The following DUOX2 variants were observed in gnomAD, a reference collection of about 807,000 sequenced individuals.
DUOX2 encodes dual oxidase 2, also known as NADH/NADPH thyroid oxidase p138-tox.
DUOX2 carries 185 observed loss-of-function variants against 183.3 expected under a neutral mutation model. That is an observed-to-expected ratio of 1.01 (90% CI 0.90 to 1.14). The LOEUF is 1.14. Ranked by LOEUF, DUOX2 falls within the 50% of genes most tolerant of loss-of-function variation. The probability of loss-of-function intolerance (pLI) is 0.00; values close to 1 mark genes in which losing one functional copy is unlikely to be tolerated. For missense variants in DUOX2, 1,999 were observed against 2,022.9 expected (o/e 0.99, Z 0.23); for synonymous variants, 788 against 812.4 (o/e 0.97, Z 0.51).
In DUOX2 at chr15:45,108,922, C is replaced by G. The variant is rs201135069; in HGVS notation, c.1265G>C (p.Arg422Pro). ...DYWPGPGKFS[R>P]TDYVASSIQR... ...GATGCTGCTGGCCACATAGTCTGTA[C>G]GGGAGAATTTGCCAGGGCCAGGCCA... Residue 422 changes from arginine (R) to proline (P), a missense_variant, in exon 12 of 34, where the codon CGT becomes CCT. By Grantham distance (103) the Arg-to-Pro change is moderately radical. Transcript: ENST00000389039. The G allele has an allele frequency of 1.2e-6, 2 of 1,614,198 alleles. No individual in the cohort carries two copies. The highest frequency in any genetic ancestry group is 1.7e-5 in the Admixed American group (1 of 60,030).
At chr15:45,107,101 C>T (rs1469046918) in intron 14 of DUOX2, 132 bp from the exon 15 acceptor site, 1 of 1,371,542 alleles carries the variant, frequency 7.3e-7, no homozygotes, top group East Asian at 2.5e-5. Context: ...AAACTGTCTC[C>T]CTCAAAAAGT....
chr15:45,113,447 G>A, intron 1 of DUOX2, 22 bp from the exon 2 acceptor site: 1 of 1,547,394 alleles, frequency 6.5e-7, no homozygotes, highest in Non-Finnish European at 8.7e-7. Flanking sequence ...GGGTGGGGGT[G>A]GTAGGTGGTA....
In DUOX2 at chr15:45,112,808, C is replaced by A. The variant is rs989636622; in HGVS notation, c.161-90G>T. 1.9e-6 allele frequency: 3 copies of A among 1,587,958 alleles called. No homozygotes were observed. In the African/African-American group the frequency reaches 4.0e-5, roughly 21 times the overall value. ...CCTAAGCCTCCCTCAACCCCCATCC[C>A]ACTTCACTGACAGAACCTTCCCTCA... On this transcript the variant is annotated intron_variant, in intron 3 of 33. Transcript: ENST00000389039.
At chr15:45,110,796 G>A (rs1428092088) in intron 7 of DUOX2, 86 bp from the exon 8 acceptor site, 5 of 1,599,008 alleles carry the variant, frequency 3.1e-6, no homozygotes, top group Non-Finnish European at 3.4e-6. Context: ...GCTTCCGTGT[G>A]GAGATGAGAC....
rs775297032 is a variant in DUOX2, at chr15:45,111,820, C to T, written c.461G>A (p.Arg154Lys). 4.2e-5 allele frequency: 67 copies of T among 1,612,930 alleles called. No individual in the cohort carries two copies. Among genetic ancestry groups the T allele is most frequent in the Non-Finnish European group, 1.7e-6 (2 of 1,179,822 alleles). ...QRGDVVLPFQRSRWDPETGRS... is the reference protein window; with the variant it reads ...QRGDVVLPFQKSRWDPETGRS... ...TCCGGTCTCGGGGTCCCAGCGGCTCCTCTGGAAGGGCAGCACCACGTCCCC... is the reference window on the plus strand; with the variant it reads ...TCCGGTCTCGGGGTCCCAGCGGCTCTTCTGGAAGGGCAGCACCACGTCCCC... The change falls in exon 5 of 34, where the codon AGG becomes AAG. Residue 154 changes from arginine (R) to lysine (K), a missense_variant. Transcript: ENST00000389039.
chr15:45,112,925 C>T, intron 3 of DUOX2, 62 bp downstream of exon 3: 4 of 1,588,898 alleles, frequency 2.5e-6, no homozygotes, highest in Non-Finnish European at 3.4e-6. Context: ...CCGCTCAGGG[C>T]CTTTCGCGCC....
Position 45,110,639 on chromosome 15 carries a change from C to A in DUOX2, c.943+11G>T. ...TCTCCGCACAGGTGTCCTCCTTCCCCGCTCCCTCACCTGTATACTCCGGGA... is the reference window on the plus strand; with the variant it reads ...TCTCCGCACAGGTGTCCTCCTTCCCAGCTCCCTCACCTGTATACTCCGGGA... On this transcript the variant is annotated intron_variant, in intron 8 of 33. Coordinates refer to ENST00000389039, the MANE Select transcript of DUOX2 (RefSeq NM_001363711.2). The A allele has an allele frequency of 6.2e-7, 1 of 1,613,290 alleles. No individual in the cohort carries two copies. The highest frequency in any genetic ancestry group is 2.2e-5 in the East Asian group (1 of 44,864).
intron 26 of DUOX2, 52 bp downstream of exon 26, chr15:45,099,331 T>C: frequency 1.3e-6 from 2 of 1,546,114 alleles, no homozygotes; most frequent in Non-Finnish European, 1.8e-6. Context: ...TTTTCTATTA[T>C]ACCCTTGGGC....
At position 45,105,648 on chromosome 15, in the gene DUOX2, C is replaced by T. The variant is rs1004525031; in HGVS notation, c.2329G>A (p.Ala777Thr). ...ILEIFFRHLF[A>T]QVLDINQADA... Reference sequence around the variant, plus strand: ...AAAGGCACAGGTCATGGCACCTGAGCAAAAAGGTGTCTGAAGAAGATCTCC... The same window carrying T: ...AAAGGCACAGGTCATGGCACCTGAGTAAAAAGGTGTCTGAAGAAGATCTCC... The change falls in exon 18 of 34, where the codon GCT becomes ACT. Residue 777 changes from alanine (A) to threonine (T), a missense_variant. Ala to Thr is a moderately conservative substitution (Grantham distance 58). Around this residue, in one of 3 missense-constraint regions of DUOX2, gnomAD observed 1,628 missense variants for 1,608.6 expected, o/e 1.01. Transcript: ENST00000389039. The T allele has an allele frequency of 4.3e-6, 7 of 1,613,998 alleles. No homozygotes were observed. Among genetic ancestry groups the T allele is most frequent in the Admixed American group, 1.7e-5 (1 of 60,000 alleles).
At chr15:45,100,291 C>T (rs960430237) in intron 23 of DUOX2, 63 bp from the exon 24 acceptor site, 1 of 1,519,504 alleles carries the variant, frequency 6.6e-7, no homozygotes, top group African/African-American at 1.4e-5. Flanking sequence ...CTTAATGCCA[C>T]TCCATGAAAG....
chr15:45,102,027 G>A (rs1298390685), intron 20 of DUOX2, 38 bp from the exon 21 acceptor site: 2 of 1,610,646 alleles, frequency 1.2e-6, no homozygotes, highest in South Asian at 1.1e-5. Context: ...CTGTCACCCA[G>A]CAAGGTCAGG....
intron 3 of DUOX2, 90 bp downstream of exon 3, chr15:45,112,897 G>C: frequency 1.3e-6 from 2 of 1,553,150 alleles, no homozygotes; most frequent in Non-Finnish European, 1.8e-6. Flanking sequence ...TGCTGGGCGC[G>C]TGTTCCCCGC....
At chr15:45,096,368 A>G (rs990115930) in intron 29 of DUOX2, among the ~76,000 whole-genome samples, 1 of 152,140 alleles carries the variant, frequency 6.6e-6, no homozygotes, top group African/African-American at 2.4e-5. Flanking sequence ...ACTCAGGCTC[A>G]CCAGGGACCA....
In DUOX2 at chr15:45,111,773, C is replaced by T; in HGVS notation, c.508G>A (p.Asp170Asn). The T allele has an allele frequency of 7.5e-6, 12 of 1,601,688 alleles. No homozygotes were observed. Among genetic ancestry groups the T allele is most frequent in the Non-Finnish European group, 9.4e-6 (11 of 1,174,698 alleles). The change falls in exon 5 of 34, where the codon GAC (aspartate) becomes AAC (asparagine). Residue 170 changes from aspartate to asparagine, a missense_variant. Asp to Asn is a conservative substitution (Grantham distance 23). This residue lies in a region of DUOX2 where 356 missense variants were observed against 356.4 expected (regional missense o/e 1.00). Transcript: ENST00000389039. ...ETGRSPSNPR[D>N]LANQVTGWLD... ...CGCCGCCTTCCCCGCCTCACCAGGTCCCGGGGGTTGCTGGGACTCCGTCCG... is the reference window on the plus strand; with the variant it reads ...CGCCGCCTTCCCCGCCTCACCAGGTTCCGGGGGTTGCTGGGACTCCGTCCG...
chr15:45,109,305 C>A, intron 11 of DUOX2: 1 of 602,882 alleles, frequency 1.7e-6, no homozygotes, highest in South Asian at 2.0e-5. Flanking sequence ...CCCCAATACT[C>A]AGACATAGTT....
At position 45,108,096 on chromosome 15, in the gene DUOX2, C is replaced by A. The variant is rs1300952424; in HGVS notation, c.1525G>T (p.Val509Leu). Residue 509 changes from valine (V) to leucine (L), a missense_variant, in exon 13 of 34, where the codon GTA becomes TTA. By Grantham distance (32) the Val-to-Leu change is conservative. Around this residue, in one of 3 missense-constraint regions of DUOX2, gnomAD observed 1,628 missense variants for 1,608.6 expected, o/e 1.01. Transcript: ENST00000389039. ...LFSAIVLDQF[V>L]RLRDGDRYWF... ...TAGCGGTCACCATCCCGCAGCCGTACAAACTGGTCGAGGACAATGGCACTG... is the reference window on the plus strand; with the variant it reads ...TAGCGGTCACCATCCCGCAGCCGTAAAAACTGGTCGAGGACAATGGCACTG... The A allele has an allele frequency of 1.2e-6, 2 of 1,614,126 alleles. No individual in the cohort carries two copies. The highest frequency in any genetic ancestry group is 1.7e-6 in the Non-Finnish European group (2 of 1,180,012).
At chr15:45,097,433 C>T in intron 28 of DUOX2, 42 bp from the exon 29 acceptor site, 2 of 1,614,084 alleles carry the variant, frequency 1.2e-6, no homozygotes, top group Non-Finnish European at 1.7e-6. Context: ...CCCAGCCAGG[C>T]CCCTGCCCGG....
At position 45,111,926 on chromosome 15, in the gene DUOX2, C is replaced by G. The variant is rs138970496; in HGVS notation, c.355G>C (p.Val119Leu). The change falls in exon 5 of 34, where the codon GTG becomes CTG. Residue 119 changes from valine (V) to leucine (L), a missense_variant. Coordinates refer to ENST00000389039, the MANE Select transcript of DUOX2 (RefSeq NM_001363711.2). ...GYHVLSDVVS[V>L]ETPGCPAEFL... ...TCGGCGGGGCAACCGGGCGTTTCCA[C>G]GCTCACCACGTCGGAAAGAACATGG... 17 of 1,613,566 alleles carry G rather than the reference C, an allele frequency of 1.1e-5. No homozygotes were observed. The African/African-American group carries it at 2.1e-4, about 20-fold the overall frequency.
At chr15:45,107,102 C>A in intron 14 of DUOX2, 133 bp from the exon 15 acceptor site, 1 of 1,362,916 alleles carries the variant, frequency 7.3e-7, no homozygotes, top group Non-Finnish European at 1.0e-6. Context: ...AACTGTCTCC[C>A]TCAAAAAGTC....
Sources: gnomAD v4.1 joint callset for allele counts (sites outside exome capture counted in the v4.1 genomes callset) on GRCh38, gnomAD v4.1.1 for gene constraint, gnomAD v4.1.1 regional missense constraint, MANE v1.5 for transcripts, NCBI Gene and HGNC (gene_info 2026-07-23, HGNC 2026-07-21) for gene names.